Variants in RABGAP1L observed in about 807,000 individuals in gnomAD.
RABGAP1L encodes the protein RAB GTPase activating protein 1 like, also known as rab GTPase-activating protein 1-like.
Under a neutral mutation model 137.7 loss-of-function variants are expected in RABGAP1L, and 63 were observed. The observed-to-expected ratio is 0.46, with a 90% CI of 0.37 to 0.56. The LOEUF (loss-of-function observed/expected upper bound fraction) is 0.56, where lower values mean the gene tolerates loss of function less well. Among genes scored for constraint, RABGAP1L ranks in the 20% least tolerant of loss-of-function variants. The pLI is 0.00. For synonymous variants in RABGAP1L, 431 were observed against 433.7 expected, an observed-to-expected ratio of 0.99 and a Z score of 0.08; for missense variants, 1,095 against 1,244.0, an observed-to-expected ratio of 0.88 and a Z score of 1.80.
At chr1:174,413,076 T>C (rs1235741582) in intron 13 of RABGAP1L, among the ~76,000 whole-genome samples, 1 of 152,196 alleles carries the variant, frequency 6.6e-6, no homozygotes, top group East Asian at 1.9e-4. Flanking sequence ...TTACTTTTTC[T>C]CCTTTCTCAG....
intron 13 of RABGAP1L, among the ~76,000 whole-genome samples, chr1:174,547,029 CAAAAAAAAA>C (rs375413887): frequency 5.1e-5 from 4 of 78,244 alleles, no homozygotes; most frequent in Admixed American, 1.4e-4. Context: ...GACTCTGTCT[CAAAAAAAAA>C]AAAAAAAAAA....
At chr1:174,520,042 C>T (rs1211176368) in intron 13 of RABGAP1L, among the ~76,000 whole-genome samples, 1 of 152,212 alleles carries the variant, frequency 6.6e-6, no homozygotes, top group Non-Finnish European at 1.5e-5. Flanking sequence ...AGTATGAACA[C>T]AATGCCAGCA....
intron 20 of RABGAP1L, among the ~76,000 whole-genome samples, chr1:174,961,005 G>A (rs1356435739): frequency 6.6e-6 from 1 of 152,154 alleles, no homozygotes; most frequent in Non-Finnish European, 1.5e-5. Context: ...ACACCATAAT[G>A]ACTGCTTTAT....
intron 5 of RABGAP1L, among the ~76,000 whole-genome samples, chr1:174,242,713 A>T (rs955368305): frequency 3.9e-5 from 6 of 152,222 alleles, no homozygotes; most frequent in Non-Finnish European, 7.3e-5. Context: ...GAAATTCTCT[A>T]TCAGAACCCA....
intron 14 of RABGAP1L, among the ~76,000 whole-genome samples, chr1:174,668,696 AAT>A (rs1302260118): frequency 6.6e-6 from 1 of 152,062 alleles, no homozygotes; most frequent in Non-Finnish European, 1.5e-5. Context: ...TACTGTTTTG[AAT>A]ATGGTTTTAC....
intron 19 of RABGAP1L, among the ~76,000 whole-genome samples, chr1:174,847,113 A>T (rs1322890522): frequency 6.9e-6 from 1 of 145,224 alleles, no homozygotes; most frequent in East Asian, 2.1e-4. Flanking sequence ...TTTTGAGCCT[A>T]TGTGTGTCTC....
chr1:174,675,702 T>C (rs892734774), intron 14 of RABGAP1L, among the ~76,000 whole-genome samples: 1 of 152,200 alleles, frequency 6.6e-6, no homozygotes, highest in African/African-American at 2.4e-5. Context: ...AAAGACTGCA[T>C]TGCCATTACC....
At chr1:174,569,495 G>T (rs968101427) in intron 13 of RABGAP1L, among the ~76,000 whole-genome samples, 1 of 152,160 alleles carries the variant, frequency 6.6e-6, no homozygotes, top group Non-Finnish European at 1.5e-5. Context: ...CAACCTTTGG[G>T]CATTTACATT....
At chr1:174,632,986 C>T (rs1429715242) in intron 13 of RABGAP1L, among the ~76,000 whole-genome samples, 1 of 152,058 alleles carries the variant, frequency 6.6e-6, no homozygotes, top group African/African-American at 2.4e-5. Context: ...TTAGAGTTTC[C>T]AGTTTTTCTG....
intron 14 of RABGAP1L, among the ~76,000 whole-genome samples, chr1:174,650,221 C>A (rs1300598441): frequency 2.0e-5 from 3 of 152,130 alleles, no homozygotes; most frequent in African/African-American, 7.2e-5. Context: ...TGATGTGCCA[C>A]TTGATTCGGT....
chr1:174,355,126 G>A (rs1683510505), intron 11 of RABGAP1L, among the ~76,000 whole-genome samples: 1 of 152,084 alleles, frequency 6.6e-6, no homozygotes, highest in South Asian at 2.1e-4. Flanking sequence ...TATACCCAGA[G>A]GATTATAAAT....
chr1:174,228,711 A>G (rs1010180297), intron 3 of RABGAP1L, among the ~76,000 whole-genome samples: 1 of 152,276 alleles, frequency 6.6e-6, no homozygotes, highest in Non-Finnish European at 1.5e-5. Context: ...ATATTTTAGT[A>G]TAATATTTAG....
At chr1:174,255,633 T>C (rs1405851190) in intron 7 of RABGAP1L, among the ~76,000 whole-genome samples, 1 of 152,196 alleles carries the variant, frequency 6.6e-6, no homozygotes, top group Admixed American at 6.5e-5. Context: ...CCAGCTATTC[T>C]CCTGCCTCAG....
At chr1:174,533,001 G>A (rs1159707595) in intron 13 of RABGAP1L, among the ~76,000 whole-genome samples, 1 of 152,204 alleles carries the variant, frequency 6.6e-6, no homozygotes, top group South Asian at 2.1e-4. Context: ...TTGGGAGGCC[G>A]AGGTGGGTGG....
chr1:174,917,768 A>C (rs974942854), intron 19 of RABGAP1L, among the ~76,000 whole-genome samples: 3 of 152,068 alleles, frequency 2.0e-5, no homozygotes, highest in Non-Finnish European at 4.4e-5. Context: ...CCCCATCTCT[A>C]CTAAAAATAC....
intron 19 of RABGAP1L, among the ~76,000 whole-genome samples, chr1:174,891,267 A>G (rs1258274674): frequency 6.6e-6 from 1 of 152,212 alleles, no homozygotes; most frequent in Non-Finnish European, 1.5e-5. Flanking sequence ...AACTTATTCC[A>G]TCTGGCTAAA....
At chr1:174,771,583 A>AGAG (rs1242767456) in intron 18 of RABGAP1L, among the ~76,000 whole-genome samples, 19 of 152,164 alleles carry the variant, frequency 1.2e-4, no homozygotes, top group Non-Finnish European at 2.6e-4. Flanking sequence ...CAACTTAAAA[A>AGAG]TCTCTTTATA....
chr1:174,787,259 C>T (rs939803270), intron 18 of RABGAP1L, among the ~76,000 whole-genome samples: 8 of 151,862 alleles, frequency 5.3e-5, no homozygotes, highest in African/African-American at 1.2e-4. Context: ...AAAAATGAAC[C>T]GGGCGTGGTG....
At chr1:174,661,814 A>G (rs1572718929) in intron 14 of RABGAP1L, among the ~76,000 whole-genome samples, 2 of 152,302 alleles carry the variant, frequency 1.3e-5, no homozygotes, top group Admixed American at 1.3e-4. Flanking sequence ...ACCCAGTGAC[A>G]TCATAGCATC....
Sources: gnomAD v4.1 joint callset for allele counts (sites outside exome capture counted in the v4.1 genomes callset) on GRCh38, gnomAD v4.1.1 for gene constraint, MANE v1.5 for transcripts, NCBI Gene and HGNC (gene_info 2026-07-23, HGNC 2026-07-21) for gene names.